UTRN: variants seen among roughly 807,000 people sequenced by gnomAD.
UTRN encodes utrophin.
In UTRN, 283 loss-of-function variants were observed where a neutral mutation model predicts 463.9. The ratio of observed to expected loss-of-function variants is 0.61; its 90% CI spans 0.55 to 0.67. The LOEUF (loss-of-function observed/expected upper bound fraction) is 0.67. UTRN is among the 30% of genes least tolerant of loss of function. UTRN has a pLI of 0.00. For missense variants in UTRN, 3,922 were observed against 4,084.3 expected, an observed-to-expected ratio of 0.96 and a Z score of 1.08; for synonymous variants, 1,442 against 1,431.5, an observed-to-expected ratio of 1.01 and a Z score of -0.17.
intron 52 of UTRN, among the ~76,000 whole-genome samples, chr6:144,699,212 G>A (rs939933200): frequency 2.0e-5 from 3 of 152,066 alleles, no homozygotes; most frequent in East Asian, 1.9e-4. Flanking sequence ...GTCCCTGGCC[G>A]GTGGATCATG....
intron 22 of UTRN, 75 bp from the exon 23 acceptor site, chr6:144,462,579 T>G: frequency 7.3e-7 from 1 of 1,372,154 alleles, no homozygotes; most frequent in Non-Finnish European, 9.8e-7. Context: ...ACTTTTGACT[T>G]TATATAGCCC....
Position 144,285,759 on chromosome 6 carries a change from GC to G in UTRN, c.-152del, listed in dbSNP as rs998383212. Reference sequence around the variant, plus strand: ...TACTCCGTGTCAAACTCCTAGAGGAGCCCTTGGCCAGCTCGGGGTGCGGCGG... The same window carrying G: ...TACTCCGTGTCAAACTCCTAGAGGAGCCTTGGCCAGCTCGGGGTGCGGCGG... On this transcript the variant is annotated 5_prime_UTR_variant, in exon 1 of 75. Transcript: ENST00000367545. 3 of 152,246 alleles carry G rather than the reference GC, an allele frequency of 2.0e-5. No homozygotes were observed. The highest frequency in any genetic ancestry group is 7.2e-5 in the African/African-American group (3 of 41,382). 9.4% of individuals were successfully genotyped at this position (152,246 alleles called of 1,614,324 possible).
chr6:144,641,606 G>A (rs1390852352), intron 51 of UTRN, among the ~76,000 whole-genome samples: 3 of 152,162 alleles, frequency 2.0e-5, no homozygotes, highest in Admixed American at 6.5e-5. Context: ...CAGATGGTTA[G>A]GGGGGCATGT....
chr6:144,462,141 A>G (rs1789483866), intron 22 of UTRN, among the ~76,000 whole-genome samples: 1 of 152,010 alleles, frequency 6.6e-6, no homozygotes, highest in South Asian at 2.1e-4. Flanking sequence ...GCTCCCACTT[A>G]TAAGTGAGAA....
At chr6:144,776,262 C>T (rs994577832) in intron 60 of UTRN, among the ~76,000 whole-genome samples, 1 of 152,164 alleles carries the variant, frequency 6.6e-6, no homozygotes, top group African/African-American at 2.4e-5. Context: ...TAATCCTACC[C>T]GTCTCCACAT....
At position 144,853,003 on chromosome 6, in the gene UTRN, T is replaced by C. The variant is rs370950496; in HGVS notation, c.*2006T>C. 2.6e-5 allele frequency: 4 copies of C among 152,286 alleles called. No individual in the cohort carries two copies. The highest frequency in any genetic ancestry group is 4.8e-5 in the African/African-American group (2 of 41,466). 9.4% of individuals were successfully genotyped at this position (152,286 alleles called of 1,614,324 possible). On this transcript the variant is annotated 3_prime_UTR_variant, in exon 75 of 75. Transcript: ENST00000367545. ...ATCTAATCTGGTTACATATTGTATT[T>C]TTCATCCTGAATAAAAGTAATTTTA...
rs1374302695 is a variant in UTRN, at chr6:144,380,367, C to T, written c.80-22756C>T. ...ATATAAACCTGTTAATACTGGTTAT[C>T]TCTGGGCAGAGGGAAAATGGGTGGT... On this transcript the variant is annotated intron_variant, in intron 2 of 74. Transcript: ENST00000367545. Among the ~76,000 whole-genome samples, 9 of 152,270 alleles carry T rather than the reference C, an allele frequency of 5.9e-5. No individual in the cohort carries two copies. The East Asian group carries it at 1.2e-3, about 20-fold the overall frequency.
At chr6:144,313,186 A>AT (rs1775050200) in intron 2 of UTRN, among the ~76,000 whole-genome samples, 1 of 151,996 alleles carries the variant, frequency 6.6e-6, no homozygotes. Flanking sequence ...AAAATAAGCA[A>AT]TTTTTTAAAA....
chr6:144,674,724 T>C (rs1781420829), intron 51 of UTRN, among the ~76,000 whole-genome samples: 1 of 152,106 alleles, frequency 6.6e-6, no homozygotes, highest in Non-Finnish European at 1.5e-5. Flanking sequence ...TTCCAGCTAA[T>C]TTTTTTGTAT....
chr6:144,836,704 T>A, intron 71 of UTRN, 163 bp downstream of exon 71: 1 of 1,098,618 alleles, frequency 9.1e-7, no homozygotes, highest in Non-Finnish European at 1.3e-6. Context: ...CATGTAAGCA[T>A]ATAAATCCTC....
chr6:144,538,146 G>A (rs1398724774), intron 44 of UTRN, among the ~76,000 whole-genome samples: 2 of 152,034 alleles, frequency 1.3e-5, no homozygotes, highest in Non-Finnish European at 1.5e-5. Flanking sequence ...CTTGCAATAG[G>A]TTTAGTGTCA....
chr6:144,684,103 G>A (rs1782491592), intron 52 of UTRN, among the ~76,000 whole-genome samples: 1 of 148,208 alleles, frequency 6.7e-6, no homozygotes, highest in African/African-American at 2.5e-5. Context: ...AGGCTGGAGT[G>A]CAGTGGCACG....
chr6:144,831,261 C>T (rs1780648798), intron 69 of UTRN, among the ~76,000 whole-genome samples: 1 of 152,098 alleles, frequency 6.6e-6, no homozygotes, highest in African/African-American at 2.4e-5. Context: ...TAATTAAGGA[C>T]CTTGAAATAG....
At chr6:144,824,612 ATC>A (rs1779979339) in intron 66 of UTRN, among the ~76,000 whole-genome samples, 2 of 39,798 alleles carry the variant, frequency 5.0e-5, no homozygotes, top group African/African-American at 2.4e-4. Context: ...ATATATATAT[ATC>A]TTTTTTTTTT....
At chr6:144,383,567 A>C (rs540544109) in intron 2 of UTRN, among the ~76,000 whole-genome samples, 133 of 152,340 alleles carry the variant, frequency 8.7e-4, no homozygotes, top group African/African-American at 3.0e-3. Flanking sequence ...TCAGGGAAAT[A>C]ATAGTTCTCC....
intron 51 of UTRN, among the ~76,000 whole-genome samples, chr6:144,650,791 C>G (rs1011760672): frequency 6.6e-6 from 1 of 152,026 alleles, no homozygotes; most frequent in Non-Finnish European, 1.5e-5. Flanking sequence ...AGCCTGTAAT[C>G]CCAGCTACTC....
At chr6:144,765,864 CTT>C (rs1180800750) in intron 58 of UTRN, among the ~76,000 whole-genome samples, 1 of 151,834 alleles carries the variant, frequency 6.6e-6, no homozygotes, top group Non-Finnish European at 1.5e-5. Flanking sequence ...GATCATATAT[CTT>C]ATTTGAATTT....
At chr6:144,552,243 A>G (rs1413207216) in intron 48 of UTRN, among the ~76,000 whole-genome samples, 1 of 152,242 alleles carries the variant, frequency 6.6e-6, no homozygotes, top group Non-Finnish European at 1.5e-5. Flanking sequence ...CAACAGGGTT[A>G]TTATAGGAGA....
chr6:144,310,572 C>T (rs1337300972), intron 2 of UTRN, among the ~76,000 whole-genome samples: 1 of 142,238 alleles, frequency 7.0e-6, no homozygotes, highest in African/African-American at 2.6e-5. Flanking sequence ...CATGGTAGTG[C>T]ATGCCTGTGG....
Sources: allele counts gnomAD v4.1 joint callset (sites outside exome capture counted in the v4.1 genomes callset), GRCh38; gene constraint gnomAD v4.1.1; transcripts MANE v1.5; gene names NCBI Gene and HGNC (gene_info 2026-07-23, HGNC 2026-07-21).